SLX9: variants seen among roughly 807,000 people sequenced by gnomAD.
SLX9 encodes the protein SLX9 ribosome biogenesis factor.
In SLX9, 19 loss-of-function variants were observed where a neutral mutation model predicts 20.8. That is an observed-to-expected ratio of 0.91 (90% CI 0.64 to 1.34). The LOEUF (loss-of-function observed/expected upper bound fraction) is 1.34, where lower values mean the gene tolerates loss of function less well. Ranked by LOEUF, SLX9 falls within the 40% of genes most tolerant of loss-of-function variation. SLX9 has a pLI of 0.00. For missense variants in SLX9, 299 were observed against 322.2 expected (o/e 0.93, Z 0.55); for synonymous variants, 113 against 137.1 (o/e 0.82, Z 1.23).
At chr21:44,962,912 C>T (rs2084969692) in intron 3 of SLX9, among the ~76,000 whole-genome samples, 1 of 152,078 alleles carries the variant, frequency 6.6e-6, no homozygotes, top group Non-Finnish European at 1.5e-5. Flanking sequence ...ACCAAAAGAG[C>T]ATTTACATGT....
intron 3 of SLX9, among the ~76,000 whole-genome samples, chr21:44,966,372 C>A (rs1469191958): frequency 6.6e-6 from 1 of 152,204 alleles, no homozygotes; most frequent in African/African-American, 2.4e-5. Flanking sequence ...CTGAAGAGAG[C>A]AGGCCGTCCG....
At chr21:44,974,472 T>G (rs1568949058) in intron 5 of SLX9, among the ~76,000 whole-genome samples, 1 of 152,264 alleles carries the variant, frequency 6.6e-6, no homozygotes, top group African/African-American at 2.4e-5. Context: ...TTCCATCTCA[T>G]GTTCTCTAAT....
At chr21:44,947,312 A>C (rs1354055035) in intron 2 of SLX9, among the ~76,000 whole-genome samples, 1 of 152,188 alleles carries the variant, frequency 6.6e-6, no homozygotes, top group Non-Finnish European at 1.5e-5. Flanking sequence ...GGCTTAGTGC[A>C]ACACCGCCTT....
intron 4 of SLX9, 59 bp downstream of exon 4, chr21:44,967,240 T>TG (rs1373877936): frequency 6.6e-7 from 1 of 1,517,348 alleles, no homozygotes; most frequent in East Asian, 2.3e-5. Context: ...GGTCCAGAGG[T>TG]GGAGGGATAT....
chr21:44,959,218 A>G (rs892606367), intron 2 of SLX9: 5 of 985,274 alleles, frequency 5.1e-6, no homozygotes, highest in Non-Finnish European at 6.0e-6. Context: ...TTTGTTTTTC[A>G]TTAGACATGG....
Position 44,940,138 on chromosome 21 carries a change from G to T in SLX9, c.81G>T (p.Ala27=). The T allele has an allele frequency of 7.5e-7, 1 of 1,334,868 alleles. No homozygotes were observed. The highest frequency in any genetic ancestry group is 9.6e-7 in the Non-Finnish European group (1 of 1,037,382). The allele number at this position is 1,334,868 out of a possible 1,614,324, so 82.7% of individuals were successfully genotyped here. A position where few individuals can be genotyped will look rare whatever the true frequency, so the allele number is the denominator to read the frequency against. Reference sequence around the variant, plus strand: ...AAGGGGAGGCCGCCCCCGGCCCCGCGCCCCCTGCCCCGGAGGCGACCCCTC... The same window carrying T: ...AAGGGGAGGCCGCCCCCGGCCCCGCTCCCCCTGCCCCGGAGGCGACCCCTC... ...RPKGEAAPGP[A]PPAPEATPPP... The change falls in exon 1 of 6, where the codon GCG becomes GCT. Residue 27 remains alanine (A), a synonymous_variant. Transcript: ENST00000291634.
At chr21:44,956,079 C>T (rs193281244) in intron 2 of SLX9, among the ~76,000 whole-genome samples, 2 of 152,246 alleles carry the variant, frequency 1.3e-5, no homozygotes, top group East Asian at 1.9e-4. Context: ...CAGCCTTCAT[C>T]GCTGTGAGCT....
At chr21:44,973,001 G>C in intron 4 of SLX9, 196 bp from the exon 5 acceptor site, 2 of 200,066 alleles carry the variant, frequency 1.0e-5, no homozygotes, top group Non-Finnish European at 1.8e-5. Context: ...TCACAGGACG[G>C]TCAGGCAGTT....
chr21:44,963,399 G>A lies in SLX9; in HGVS notation c.352+3231G>A, dbSNP rs796560253. 4.7e-5 allele frequency among the ~76,000 whole-genome samples: 7 copies of A among 149,150 alleles called. No individual in the cohort carries two copies. The South Asian group carries it at 8.4e-4, about 18-fold the overall frequency. On this transcript the variant is annotated intron_variant, in intron 3 of 5. Coordinates refer to ENST00000291634, the MANE Select transcript of SLX9 (RefSeq NM_058190.4). ...ACTTTTTTTTTTTTTTTAAATAAAC[G>A]AGAGTTTAATTTTGAGAAGTTTAAT...
At chr21:44,975,149 G>A (rs903894707) in intron 5 of SLX9, among the ~76,000 whole-genome samples, 1 of 152,176 alleles carries the variant, frequency 6.6e-6, no homozygotes, top group Non-Finnish European at 1.5e-5. Context: ...TGTGGACAGG[G>A]CTCAGGTGTT....
upstream of SLX9, chr21:44,939,826 C>A (rs564841176): frequency 1.4e-4 from 80 of 560,608 alleles, no homozygotes; most frequent in South Asian, 9.5e-4. Context: ...CTCGTTGTTT[C>A]TCGTGCTCCG....
intron 2 of SLX9, among the ~76,000 whole-genome samples, chr21:44,950,677 G>A (rs1208290007): frequency 1.3e-5 from 2 of 152,244 alleles, no homozygotes; most frequent in African/African-American, 2.4e-5. Context: ...TCAGGCCCAT[G>A]GTCACGCAGT....
chr21:44,971,017 C>T (rs1361597117), intron 4 of SLX9, among the ~76,000 whole-genome samples: 1 of 152,226 alleles, frequency 6.6e-6, no homozygotes, highest in Admixed American at 6.5e-5. Context: ...CCACGTCACT[C>T]CTGGCTGGGA....
intron 4 of SLX9, among the ~76,000 whole-genome samples, chr21:44,971,650 A>AC (rs34166618): frequency 1 from 152,240 of 152,242 alleles, 76,119 homozygotes; most frequent in Middle Eastern, 1. Context: ...AGGTCTCCTG[A>AC]CCCAGCACGT....
chr21:44,975,095 C>T (rs1368869926), intron 5 of SLX9, among the ~76,000 whole-genome samples: 1 of 152,194 alleles, frequency 6.6e-6, no homozygotes, highest in Non-Finnish European at 1.5e-5. Flanking sequence ...TGTTTTGGAG[C>T]CAGAGGTCTG....
chr21:44,960,290 G>A (rs367998947), intron 3 of SLX9, 122 bp downstream of exon 3: 1 of 922,064 alleles, frequency 1.1e-6, no homozygotes. Context: ...GAGTGCCCAA[G>A]GGGATCACCC....
At chr21:44,967,204 C>A (rs761214738) in intron 4 of SLX9, 23 bp downstream of exon 4, 1 of 1,544,416 alleles carries the variant, frequency 6.5e-7, no homozygotes, top group Non-Finnish European at 8.7e-7. Context: ...GAGGGGTGGC[C>A]CTTTCCGAGC....
intron 2 of SLX9, among the ~76,000 whole-genome samples, chr21:44,953,779 G>A (rs999635410): frequency 3.9e-5 from 6 of 152,302 alleles, no homozygotes; most frequent in Middle Eastern, 3.4e-3. Flanking sequence ...TCCCTGGGTC[G>A]TGCCACCCCC....
At chr21:44,968,753 C>CTTTTTTTTTTTTTTTTTTTTT (rs35304604) in intron 4 of SLX9, among the ~76,000 whole-genome samples, 1 of 132,948 alleles carries the variant, frequency 7.5e-6, no homozygotes, top group Non-Finnish European at 1.6e-5. Context: ...CATCTCTGTG[C>CTTTTTTTTTTTTTTTTTTTTT]TTTTTTTTTT....
Sources: allele counts gnomAD v4.1 joint callset (sites outside exome capture counted in the v4.1 genomes callset), GRCh38; gene constraint gnomAD v4.1.1; transcripts MANE v1.5; gene names NCBI Gene and HGNC (gene_info 2026-07-23, HGNC 2026-07-21).